The following RFX3 variants were observed in gnomAD, a reference collection of about 807,000 sequenced individuals.
The protein encoded by RFX3 is transcription factor RFX3.
In RFX3, 14 loss-of-function variants were observed where a neutral mutation model predicts 98.6. The ratio of observed to expected loss-of-function variants is 0.14; its 90% confidence interval spans 0.09 to 0.22. The LOEUF is 0.22. Among genes scored for constraint, RFX3 ranks in the 10% least tolerant of loss-of-function variants. The probability of loss-of-function intolerance (pLI) is 1.00; values close to 1 mark genes in which losing one functional copy is unlikely to be tolerated. For synonymous variants in RFX3, 383 were observed against 328.4 expected, an observed-to-expected ratio of 1.17 and a Z score of -1.80; for missense variants, 639 against 926.9, an observed-to-expected ratio of 0.69 and a Z score of 4.03.
chr9:3,337,991 A>T (rs2920379), intron 3 of RFX3, among the ~76,000 whole-genome samples: 26,450 of 152,160 alleles, frequency 0.17, 2,352 homozygotes, highest in Middle Eastern at 0.22. Context: ...ATTTACTTAT[A>T]TGAGTTTCAA....
intron 1 of RFX3, among the ~76,000 whole-genome samples, chr9:3,481,601 A>C (rs1054352022): frequency 3.9e-5 from 6 of 151,996 alleles, no homozygotes; most frequent in Non-Finnish European, 7.4e-5. Flanking sequence ...TACATACAAA[A>C]ATCACTAAAA....
intron 1 of RFX3, chr9:3,490,363 A>G (rs1278322054): frequency 5.3e-6 from 5 of 946,482 alleles, no homozygotes; most frequent in African/African-American, 1.8e-5. Context: ...ATTAAAAGCA[A>G]GAACAATTAG....
At chr9:3,335,623 T>A (rs1218421327) in intron 3 of RFX3, among the ~76,000 whole-genome samples, 1 of 152,238 alleles carries the variant, frequency 6.6e-6, no homozygotes, top group Non-Finnish European at 1.5e-5. Context: ...TCATTTTGTT[T>A]GTTCTGTATT....
intron 1 of RFX3, among the ~76,000 whole-genome samples, chr9:3,506,890 C>T (rs1320503204): frequency 6.6e-6 from 1 of 151,748 alleles, no homozygotes; most frequent in Non-Finnish European, 1.5e-5. Context: ...GTAAATAAAT[C>T]CAATGGAAAT....
At chr9:3,267,479 T>G (rs576523851) in intron 11 of RFX3, among the ~76,000 whole-genome samples, 15 of 151,954 alleles carry the variant, frequency 9.9e-5, no homozygotes, top group Non-Finnish European at 2.2e-4. Context: ...CTTACTCAAG[T>G]TATTTGCAAA....
chr9:3,334,656 AAC>A, intron 3 of RFX3, among the ~76,000 whole-genome samples: 1 of 152,292 alleles, frequency 6.6e-6, no homozygotes, highest in Admixed American at 6.5e-5. Context: ...CTACTCTATA[AAC>A]ACACACTGGG....
chr9:3,386,952 CAA>C (rs987232765), intron 2 of RFX3, among the ~76,000 whole-genome samples: 1 of 152,160 alleles, frequency 6.6e-6, no homozygotes, highest in Non-Finnish European at 1.5e-5. Context: ...CAACCTTCTG[CAA>C]AGAGGCTCTT....
chr9:3,452,263 C>G (rs987172877), intron 1 of RFX3: 6 of 189,602 alleles, frequency 3.2e-5, no homozygotes, highest in Admixed American at 1.0e-4. Context: ...TTCTAGTTTT[C>G]TTAAGAATTG....
In RFX3 at chr9:3,346,757, T is replaced by C. The variant is rs987782548; in HGVS notation, c.125A>G (p.Gln42Arg). The part of the protein sequence containing the change: ...QQVPVQQQVQ[Q>R]VQTVQQVQHV... ...TTGTACCTGCTGCACAGTCTGTACC[T>C]GCTGTACCTGAAAAACAAGTATTAG... Residue 42 changes from glutamine to arginine, a missense_variant, in exon 3 of 17, where the codon CAG becomes CGG. Physicochemically the swap from Gln to Arg is conservative, Grantham distance 43. Around this residue, in one of 9 missense-constraint regions of RFX3, gnomAD observed 210 missense variants for 197.7 expected, o/e 1.06. Coordinates refer to ENST00000617270, the MANE Select transcript of RFX3 (RefSeq NM_001282116.2). 9 of 1,611,346 alleles carry C rather than the reference T, an allele frequency of 5.6e-6. No homozygotes were observed. The Admixed American group carries it at 8.3e-5, about 15-fold the overall frequency.
rs143453372 is a variant in RFX3 at position 3,463,353 on chromosome 9, C to T, written c.-9+62394G>A. ...AAGATACAACACCTCATATCATATA[C>T]AATAATTAACTCAAAGGGTATCATA... On this transcript the variant is annotated intron_variant, in intron 1 of 16. Coordinates refer to ENST00000617270, the MANE Select transcript of RFX3 (RefSeq NM_001282116.2). Among the ~76,000 whole-genome samples, 139 of 152,028 alleles carry T rather than the reference C, an allele frequency of 9.1e-4. 1 individual carries two copies. Among genetic ancestry groups the T allele is most frequent in the African/African-American group, 2.8e-3 (116 of 41,480 alleles).
chr9:3,288,586 G>A (rs547677675), intron 6 of RFX3, among the ~76,000 whole-genome samples: 4 of 152,062 alleles, frequency 2.6e-5, no homozygotes, highest in Admixed American at 1.3e-4. Context: ...GAAGGGTAAT[G>A]ATAGGAAAAA....
At chr9:3,470,573 C>A (rs376978074) in intron 1 of RFX3, among the ~76,000 whole-genome samples, 24 of 152,048 alleles carry the variant, frequency 1.6e-4, no homozygotes, top group East Asian at 7.7e-4. Flanking sequence ...GTGATCCGCC[C>A]GCCTCGGCCT....
intron 3 of RFX3, among the ~76,000 whole-genome samples, chr9:3,333,643 G>A (rs1289384298): frequency 6.6e-6 from 1 of 152,016 alleles, no homozygotes; most frequent in Non-Finnish European, 1.5e-5. Context: ...ATATGACAGT[G>A]GCCCCACTTA....
chr9:3,519,412 C>A (rs1359650978), intron 1 of RFX3, among the ~76,000 whole-genome samples: 1 of 151,908 alleles, frequency 6.6e-6, no homozygotes, highest in Non-Finnish European at 1.5e-5. Flanking sequence ...ACTTTTTGGG[C>A]TCATTAAAAA....
intron 1 of RFX3, among the ~76,000 whole-genome samples, chr9:3,487,278 A>T (rs1045926862): frequency 3.9e-5 from 6 of 152,240 alleles, no homozygotes; most frequent in African/African-American, 1.4e-4. Flanking sequence ...AGCTGTACAA[A>T]GAATGAGGAT....
intron 1 of RFX3, among the ~76,000 whole-genome samples, chr9:3,443,479 G>C (rs1845775862): frequency 6.6e-6 from 1 of 152,164 alleles, no homozygotes; most frequent in Non-Finnish European, 1.5e-5. Flanking sequence ...TCCTGTGTTA[G>C]TTTGCTGAGG....
intron 6 of RFX3, among the ~76,000 whole-genome samples, chr9:3,291,672 G>A (rs1007113767): frequency 3.3e-5 from 5 of 152,028 alleles, no homozygotes; most frequent in East Asian, 3.9e-4. Context: ...TCGTTATAGG[G>A]GTCCTAGCCA....
At chr9:3,322,792 T>A (rs1249983994) in intron 4 of RFX3, among the ~76,000 whole-genome samples, 1 of 152,214 alleles carries the variant, frequency 6.6e-6, no homozygotes. Flanking sequence ...GTTATAGTTT[T>A]TAATTTCATT....
At position 3,478,146 on chromosome 9, in the gene RFX3, G is replaced by T. The variant is rs546931301; in HGVS notation, c.-9+47601C>A. ...AGTCTAAAATCTAGGCTCCCACAGG[G>T]ACTTTTTTTGTTCGTTTTTTATTAT... On this transcript the variant is annotated intron_variant, in intron 1 of 16. Transcript: ENST00000617270. Among the ~76,000 whole-genome samples the T allele has an allele frequency of 4.6e-5, 7 of 152,058 alleles. 1 individual carries two copies. The highest frequency in any genetic ancestry group is 1.3e-4 in the Admixed American group (2 of 15,278).
Sources: gnomAD v4.1 joint callset for allele counts (sites outside exome capture counted in the v4.1 genomes callset) on GRCh38, gnomAD v4.1.1 for gene constraint, gnomAD v4.1.1 regional missense constraint, MANE v1.5 for transcripts, NCBI Gene and HGNC (gene_info 2026-07-23, HGNC 2026-07-21) for gene names.